DMD: variants seen among roughly 807,000 people sequenced by gnomAD.
DMD encodes dystrophin.
DMD carries 63 observed loss-of-function variants against 330.1 expected under a neutral mutation model. The observed-to-expected ratio is 0.19, with a 90% CI of 0.16 to 0.24. The LOEUF is 0.24. Among genes scored for constraint, DMD ranks in the 10% least tolerant of loss-of-function variants. DMD has a pLI of 1.00. For synonymous variants in DMD, 1,223 were observed against 959.8 expected, an observed-to-expected ratio of 1.27 and a Z score of -5.07; for missense variants, 3,344 against 2,684.1, an observed-to-expected ratio of 1.25 and a Z score of -5.43.
intron 62 of DMD, among the ~76,000 whole-genome samples, chrX:31,263,670 C>T (rs944478808): frequency 1.4e-4 from 16 of 111,644 alleles, no homozygotes; most frequent in Non-Finnish European, 2.8e-4. Context: ...CAGAAGCTAA[C>T]CTTTCTCACC....
At chrX:33,096,449 T>C (rs1462000938) in intron 1 of DMD, among the ~76,000 whole-genome samples, 1 of 111,472 alleles carries the variant, frequency 9.0e-6, no homozygotes, top group African/African-American at 3.3e-5. Flanking sequence ...AGTTAAAATG[T>C]TTCAGAGAGA....
chrX:32,162,326 C>T (rs1405795696), intron 44 of DMD, among the ~76,000 whole-genome samples: 1 of 110,834 alleles, frequency 9.0e-6, no homozygotes, highest in Non-Finnish European at 1.9e-5. Flanking sequence ...CAGTAACATC[C>T]CTCAGCCTCT....
chrX:31,637,493 T>C (rs1031989722), intron 54 of DMD, among the ~76,000 whole-genome samples: 33 of 111,413 alleles, frequency 3.0e-4, no homozygotes, highest in African/African-American at 1.0e-3. Flanking sequence ...CTCTGACTTA[T>C]GAATATACCA....
chrX:31,736,696 G>A (rs937823035), intron 51 of DMD, among the ~76,000 whole-genome samples: 1 of 111,058 alleles, frequency 9.0e-6, no homozygotes, highest in Admixed American at 9.6e-5. Flanking sequence ...ATTATTTTTT[G>A]TGTAATAATA....
intron 41 of DMD, among the ~76,000 whole-genome samples, chrX:32,320,462 A>T (rs2097607203): frequency 8.9e-6 from 1 of 111,930 alleles, no homozygotes; most frequent in African/African-American, 3.2e-5. Context: ...TTTACTAGCC[A>T]TGTTTTAAGT....
intron 16 of DMD, among the ~76,000 whole-genome samples, chrX:32,555,789 T>C (rs1473951652): frequency 8.9e-6 from 1 of 111,978 alleles, no homozygotes; most frequent in Non-Finnish European, 1.9e-5. Context: ...GAAAGTGGAC[T>C]TCTTCCTTAC....
At chrX:32,292,424 C>T (rs1000522848) in intron 42 of DMD, among the ~76,000 whole-genome samples, 4 of 105,131 alleles carry the variant, frequency 3.8e-5, no homozygotes, top group Non-Finnish European at 7.7e-5. Context: ...CTTGCCTCAG[C>T]CTCCTCCCGA....
At chrX:32,171,867 ATG>A (rs2096888930) in intron 44 of DMD, among the ~76,000 whole-genome samples, 2 of 111,588 alleles carry the variant, frequency 1.8e-5, no homozygotes, top group Admixed American at 1.9e-4. Context: ...ATACTTAACA[ATG>A]TGTAATATTG....
At chrX:31,416,546 T>C (rs1452477205) in intron 60 of DMD, among the ~76,000 whole-genome samples, 1 of 112,228 alleles carries the variant, frequency 8.9e-6, no homozygotes, top group African/African-American at 3.2e-5. Context: ...GGTAAGAGAA[T>C]ACTGTATTTG....
intron 1 of DMD, among the ~76,000 whole-genome samples, chrX:33,292,819 C>A (rs1032952322): frequency 9.0e-6 from 1 of 111,338 alleles, no homozygotes; most frequent in African/African-American, 3.3e-5. Context: ...GACTCCTACT[C>A]TATTTTCTAA....
intron 44 of DMD, among the ~76,000 whole-genome samples, chrX:32,079,170 T>C (rs2096373850): frequency 8.9e-6 from 1 of 112,127 alleles, no homozygotes; most frequent in Admixed American, 9.5e-5. Context: ...CTGTCTTTTG[T>C]CACTCTAACT....
chrX:33,210,893 C>T (rs990836935), intron 1 of DMD, among the ~76,000 whole-genome samples: 2 of 111,216 alleles, frequency 1.8e-5, no homozygotes, highest in African/African-American at 6.5e-5. Context: ...AGGTCAGTAA[C>T]CTTTATGTAA....
At chrX:31,510,524 T>C (rs2071394099) in intron 55 of DMD, among the ~76,000 whole-genome samples, 1 of 103,624 alleles carries the variant, frequency 9.7e-6, no homozygotes, top group South Asian at 4.6e-4. Flanking sequence ...TTTTTTTTTT[T>C]TGAGACAGAG....
intron 34 of DMD, among the ~76,000 whole-genome samples, chrX:32,371,326 T>TTG (rs1307870661): frequency 9.0e-6 from 1 of 110,933 alleles, no homozygotes; most frequent in Non-Finnish European, 1.9e-5. Context: ...TTAATACCAT[T>TTG]TGTGTGCGTG....
At chrX:32,638,404 G>C (rs776707886) in intron 11 of DMD, among the ~76,000 whole-genome samples, 1 of 112,120 alleles carries the variant, frequency 8.9e-6, no homozygotes, top group African/African-American at 3.2e-5. Flanking sequence ...TTTCTACTCT[G>C]TCTTAATTTC....
rs754923439 is a variant in DMD, at chrX:32,684,702, A to C, written c.960+13168T>G. ...TTGATTGTTTATATTATATTTTTTT[A>C]TTAAGTAGATGGTATGTCTTTTTAC... On this transcript the variant is annotated intron_variant, in intron 9 of 78. Transcript: ENST00000357033. 9.9e-5 allele frequency among the ~76,000 whole-genome samples: 11 copies of C among 111,181 alleles called. No homozygotes were observed. The South Asian group carries it at 3.0e-3, about 30-fold the overall frequency.
At chrX:32,693,485 G>A (rs1451246011) in intron 9 of DMD, among the ~76,000 whole-genome samples, 2 of 111,795 alleles carry the variant, frequency 1.8e-5, no homozygotes, top group Non-Finnish European at 3.8e-5. Flanking sequence ...CTGTCACCCA[G>A]GCTGGAGTGC....
intron 7 of DMD, among the ~76,000 whole-genome samples, chrX:32,731,145 G>T (rs2067568789): frequency 8.9e-6 from 1 of 112,191 alleles, no homozygotes; most frequent in Non-Finnish European, 1.9e-5. Context: ...AAAGAAAGGG[G>T]TGACGGACAG....
At chrX:33,215,360 C>T (rs2052035520), upstream of DMD, among the ~76,000 whole-genome samples, 1 of 108,876 alleles carries the variant, frequency 9.2e-6, no homozygotes, top group South Asian at 3.9e-4. Flanking sequence ...ATATACTTTG[C>T]CCATTTTTAA....
Sources: gnomAD v4.1 joint callset for allele counts (sites outside exome capture counted in the v4.1 genomes callset) on GRCh38, gnomAD v4.1.1 for gene constraint, MANE v1.5 for transcripts, NCBI Gene and HGNC (gene_info 2026-07-23, HGNC 2026-07-21) for gene names.